The following MYOF variants were observed in gnomAD, a reference collection of about 807,000 sequenced individuals.
MYOF encodes myoferlin.
Under a neutral mutation model 284.2 loss-of-function variants are expected in MYOF, and 244 were observed. The observed-to-expected ratio is 0.86, with a 90% CI of 0.77 to 0.95. The LOEUF (loss-of-function observed/expected upper bound fraction) is 0.95. Ranked by LOEUF, MYOF falls within the 40% of genes least tolerant of loss-of-function variation. The probability of loss-of-function intolerance (pLI) is 0.00; values close to 1 mark genes in which losing one functional copy is unlikely to be tolerated. For missense variants in MYOF, 2,496 were observed against 2,560.6 expected (o/e 0.97, Z 0.54); for synonymous variants, 904 against 919.7 (o/e 0.98, Z 0.31).
chr10:93,439,776 G>T (rs548710577), intron 3 of MYOF, among the ~76,000 whole-genome samples: 1 of 152,182 alleles, frequency 6.6e-6, no homozygotes, highest in Non-Finnish European at 1.5e-5. Context: ...TGTATAAAAA[G>T]CATATGAAGA....
Position 93,363,904 on chromosome 10 carries a change from C to T in MYOF, c.2868+57G>A, listed in dbSNP as rs73317596. 229 of 1,524,830 alleles carry T rather than the reference C, an allele frequency of 1.5e-4. No homozygotes were observed. The African/African-American group carries it at 2.4e-3, about 16-fold the overall frequency. 94.5% of individuals were successfully genotyped at this position (1,524,830 alleles called of 1,614,324 possible). ...CAAGCCAGGTGGCTGCTGGGTTCCCCGCAGATCACGATCAGAGGTGACAGG... is the reference window on the plus strand; with the variant it reads ...CAAGCCAGGTGGCTGCTGGGTTCCCTGCAGATCACGATCAGAGGTGACAGG... On this transcript the variant is annotated intron_variant, in intron 27 of 53. Coordinates refer to ENST00000359263, the MANE Select transcript of MYOF (RefSeq NM_013451.4).
At chr10:93,330,844 G>C (rs1843264731) in intron 43 of MYOF, among the ~76,000 whole-genome samples, 1 of 152,280 alleles carries the variant, frequency 6.6e-6, no homozygotes, top group Middle Eastern at 3.4e-3. Context: ...TGATCCATTT[G>C]AGCAGAAAAC....
intron 7 of MYOF, among the ~76,000 whole-genome samples, chr10:93,408,369 C>T (rs1847721051): frequency 6.6e-6 from 1 of 151,920 alleles, no homozygotes; most frequent in African/African-American, 2.4e-5. Context: ...ATAGTGAAAC[C>T]TCTACTGAAA....
chr10:93,374,168 A>G (rs1294282642), intron 23 of MYOF, among the ~76,000 whole-genome samples: 1 of 152,186 alleles, frequency 6.6e-6, no homozygotes, highest in Non-Finnish European at 1.5e-5. Context: ...ACCTTCATCC[A>G]TGTCCCTGCA....
At position 93,325,886 on chromosome 10, in the gene MYOF, C is replaced by T. The variant is rs368183118; in HGVS notation, c.5211G>A (p.Leu1737=). ...TCCTTGTTTCCACGTGCTCAGGGAC[C>T]AGCCCCTGAGTCCTGAGGATGTGAA... ...LALHILRTQG[L]VPEHVETRTL... is the part of the protein sequence containing the mutation. Residue 1737 remains leucine (L), a synonymous_variant, in exon 46 of 54, where the codon CTG becomes CTA. Coordinates refer to ENST00000359263, the MANE Select transcript of MYOF (RefSeq NM_013451.4). 1.8e-5 allele frequency: 29 copies of T among 1,613,898 alleles called. No individual in the cohort carries two copies. Among genetic ancestry groups the T allele is most frequent in the Non-Finnish European group, 2.3e-5 (27 of 1,179,998 alleles).
chr10:93,407,209 T>C (rs2134114956), intron 7 of MYOF, among the ~76,000 whole-genome samples: 1 of 150,056 alleles, frequency 6.7e-6, no homozygotes, highest in East Asian at 2.0e-4. Flanking sequence ...GTGGAACACC[T>C]GAGGCCAGGA....
At chr10:93,385,091 A>T (rs1049388621) in intron 19 of MYOF, among the ~76,000 whole-genome samples, 1 of 152,226 alleles carries the variant, frequency 6.6e-6, no homozygotes, top group Non-Finnish European at 1.5e-5. Context: ...AGTGCATAGA[A>T]TGCTCCCAAA....
chr10:93,447,411 G>A (rs766431114), intron 3 of MYOF, among the ~76,000 whole-genome samples: 1 of 152,168 alleles, frequency 6.6e-6, no homozygotes, highest in South Asian at 2.1e-4. Flanking sequence ...TCCTGGGGAC[G>A]TGCTCGGTGG....
At chr10:93,450,066 T>C (rs771165610) in intron 3 of MYOF, among the ~76,000 whole-genome samples, 4 of 152,036 alleles carry the variant, frequency 2.6e-5, no homozygotes, top group Non-Finnish European at 5.9e-5. Flanking sequence ...GAGACCAGCC[T>C]GGCCAACATG....
At chr10:93,323,572 G>GTATA in intron 46 of MYOF, 3 of 561,370 alleles carry the variant, frequency 5.3e-6, no homozygotes, top group South Asian at 2.4e-5. Flanking sequence ...TCTCACTCAG[G>GTATA]GGTCTCTGAC....
intron 28 of MYOF, among the ~76,000 whole-genome samples, chr10:93,360,314 C>G (rs1348768098): frequency 6.6e-6 from 1 of 152,182 alleles, no homozygotes; most frequent in African/African-American, 2.4e-5. Context: ...GGTTGCACAG[C>G]CTGGGTTCAA....
chr10:93,435,397 T>C (rs978122821), intron 3 of MYOF, among the ~76,000 whole-genome samples: 1 of 152,192 alleles, frequency 6.6e-6, no homozygotes, highest in Admixed American at 6.5e-5. Context: ...TAGATACCAT[T>C]TGTGATCATC....
intron 45 of MYOF, among the ~76,000 whole-genome samples, chr10:93,328,143 G>C (rs1394013385): frequency 6.6e-6 from 1 of 152,150 alleles, no homozygotes; most frequent in Non-Finnish European, 1.5e-5. Flanking sequence ...GTGCACGTTT[G>C]TTCAGCTCCC....
intron 37 of MYOF, among the ~76,000 whole-genome samples, chr10:93,346,690 C>T (rs1419767207): frequency 6.6e-6 from 1 of 152,200 alleles, no homozygotes; most frequent in Non-Finnish European, 1.5e-5. Flanking sequence ...AAAATCTCCT[C>T]CTCTCTCAGT....
At chr10:93,313,287 T>G in intron 50 of MYOF, 77 bp from the exon 51 acceptor site, 1 of 1,408,956 alleles carries the variant, frequency 7.1e-7, no homozygotes, top group Non-Finnish European at 9.8e-7. Context: ...CAGAACGTTC[T>G]TATCAGGAGA....
rs112970440 is a variant in MYOF, at chr10:93,422,641, A to G, written c.433+3430T>C. The stretch of plus-strand genomic sequence containing the variant: ...GTGAAACCCCAACTCTACTAAAAAT[A>G]CAAAATTAGCCGGGCATAGTGGTGC... On this transcript the variant is annotated intron_variant, in intron 5 of 53. Coordinates refer to ENST00000359263, the MANE Select transcript of MYOF (RefSeq NM_013451.4). 1.3e-3 allele frequency among the ~76,000 whole-genome samples: 202 copies of G among 152,244 alleles called. 1 individual carries two copies. Among genetic ancestry groups the G allele is most frequent in the African/African-American group, 4.5e-3 (188 of 41,558 alleles).
Position 93,353,962 on chromosome 10 carries a change from A to T in MYOF, c.3404-74T>A, listed in dbSNP as rs909604996. On this transcript the variant is annotated intron_variant, in intron 31 of 53. Coordinates refer to ENST00000359263, the MANE Select transcript of MYOF (RefSeq NM_013451.4). ...CTGCTATTTTACTGGAATATTTGGA[A>T]AAAATACATGTTTCTGATAAATGGG... The T allele has an allele frequency of 3.0e-5, 36 of 1,191,918 alleles. No homozygotes were observed. The African/African-American group carries it at 5.3e-4, about 17-fold the overall frequency. The allele number at this position is 1,191,918 out of a possible 1,614,324, so 73.8% of individuals were successfully genotyped here. A position where few individuals can be genotyped will look rare whatever the true frequency, so the allele number is the denominator to read the frequency against.
Position 93,379,806 on chromosome 10 carries a change from C to T in MYOF, c.2001+57G>A, listed in dbSNP as rs1236809701. 6.9e-6 allele frequency: 11 copies of T among 1,604,256 alleles called. No homozygotes were observed. In the African/African-American group the frequency reaches 1.2e-4, roughly 18 times the overall value. ...GTGTTATAGTGGCCTGGCCTCCATC[C>T]TAATACCTAATTCACCCTGCTTGGT... On this transcript the variant is annotated intron_variant, in intron 21 of 53. Transcript: ENST00000359263.
chr10:93,434,443 A>T (rs541798601), intron 3 of MYOF, among the ~76,000 whole-genome samples: 1 of 151,858 alleles, frequency 6.6e-6, no homozygotes, highest in Non-Finnish European at 1.5e-5. Flanking sequence ...AAAAAAAAAA[A>T]AAAACAAAAA....
Sources: gnomAD v4.1 joint callset for allele counts (sites outside exome capture counted in the v4.1 genomes callset) on GRCh38, gnomAD v4.1.1 for gene constraint, MANE v1.5 for transcripts, NCBI Gene and HGNC (gene_info 2026-07-23, HGNC 2026-07-21) for gene names.